Variants in SLC38A8 observed in about 807,000 individuals in gnomAD.
The protein encoded by SLC38A8 is solute carrier family 38 member 8.
A neutral mutation model predicts 46.0 loss-of-function variants in SLC38A8; 65 were observed. The ratio of observed to expected loss-of-function variants is 1.41; its 90% CI spans 1.16 to 1.74. The LOEUF is 1.74. SLC38A8 is among the 40% of genes most tolerant of loss of function. The pLI is 0.00. For missense variants in SLC38A8, 998 were observed against 567.9 expected (o/e 1.76, Z -7.70); for synonymous variants, 447 against 243.7 (o/e 1.83, Z -7.77).
chr16:84,033,611 G>C (rs2085271175), intron 3 of SLC38A8, 142 bp from the exon 4 acceptor site: 6 of 905,276 alleles, frequency 6.6e-6, no homozygotes, highest in Non-Finnish European at 4.9e-6. Flanking sequence ...CGACAAGTGA[G>C]ATGGAGACAG....
chr16:84,023,410 T>C (rs57229890), intron 6 of SLC38A8, among the ~76,000 whole-genome samples: 2,190 of 152,310 alleles, frequency 0.014, 50 homozygotes, highest in African/African-American at 0.048. Flanking sequence ...ATTACTTTGC[T>C]AAGAATCCTT....
At chr16:84,039,495 A>G (rs973060356) in intron 2 of SLC38A8, among the ~76,000 whole-genome samples, 1 of 152,168 alleles carries the variant, frequency 6.6e-6, no homozygotes, top group African/African-American at 2.4e-5. Context: ...CTGTAATCCC[A>G]GCACTTTGGG....
chr16:84,030,237 A>C (rs1042814403), intron 5 of SLC38A8, among the ~76,000 whole-genome samples: 1 of 152,140 alleles, frequency 6.6e-6, no homozygotes, highest in East Asian at 1.9e-4. Context: ...GAGACAGGAA[A>C]GATCTGCCCC....
At chr16:84,033,003 G>C (rs2085262624) in intron 4 of SLC38A8, among the ~76,000 whole-genome samples, 2 of 148,216 alleles carry the variant, frequency 1.3e-5, no homozygotes, top group East Asian at 2.0e-4. Flanking sequence ...TGCATGGGGG[G>C]GTGTGGGTAG....
At chr16:84,030,944 G>C (rs920762339) in intron 5 of SLC38A8, among the ~76,000 whole-genome samples, 2 of 152,164 alleles carry the variant, frequency 1.3e-5, no homozygotes, top group African/African-American at 2.4e-5. Context: ...ACCAGGTCTG[G>C]GACCCGGGAT....
intron 6 of SLC38A8, among the ~76,000 whole-genome samples, chr16:84,027,790 A>C (rs879937632): frequency 5.3e-5 from 8 of 152,146 alleles, no homozygotes; most frequent in Non-Finnish European, 1.2e-4. Context: ...GCTGGAGGCA[A>C]AGGTGAGGGG....
rs765531005 is a variant in SLC38A8, at chr16:84,016,585, G to T, written c.1096C>A (p.Pro366Thr). The change falls in exon 9 of 11, where the codon CCT (proline) becomes ACT (threonine). Residue 366 changes from proline to threonine, a missense_variant. Transcript: ENST00000299709. ...ATGCTGACGATCTCGCTGAGGTCAG[G>T]CATAAACAGCGCCATGGCGAGCGTC... is the stretch of plus-strand genomic sequence containing the variant. ...TVTLAMALFM[P>T]DLSEIVSIIG... 1.9e-6 allele frequency: 3 copies of T among 1,614,040 alleles called. No individual in the cohort carries two copies. The South Asian group carries it at 3.3e-5, about 18-fold the overall frequency.
chr16:84,026,889 G>C (rs114569701), intron 6 of SLC38A8, among the ~76,000 whole-genome samples: 4,501 of 152,274 alleles, frequency 0.03, 248 homozygotes, highest in African/African-American at 0.1. Context: ...GTGGAGAATG[G>C]AGAGTGACTG....
At position 84,022,866 on chromosome 16, in the gene SLC38A8, G is replaced by T. The variant is rs764842464; in HGVS notation, c.714C>A (p.Ile238=). ...GGCTCCGTTTGCGCATGCTGCAGTA[G>T]ATGGAGACGGCAGCTTCGTGACACT... The part of the protein sequence containing the change: ...GFQCHEAAVS[I]YCSMRKRSLS... Residue 238 remains isoleucine, a synonymous_variant, in exon 7 of 11, where the codon ATC becomes ATA. Coordinates refer to ENST00000299709, the MANE Select transcript of SLC38A8 (RefSeq NM_001080442.3). 4 of 1,607,822 alleles carry T rather than the reference G, an allele frequency of 2.5e-6. No homozygotes were observed. The highest frequency in any genetic ancestry group is 1.1e-5 in the South Asian group (1 of 90,158).
At chr16:84,012,547 T>G (rs145879076) in intron 10 of SLC38A8, among the ~76,000 whole-genome samples, 1 of 152,064 alleles carries the variant, frequency 6.6e-6, no homozygotes, top group South Asian at 2.1e-4. Context: ...GTGGGTATGG[T>G]GGGGAGGTGA....
Position 84,009,689 on chromosome 16 carries a change from G to T in SLC38A8, c.*95C>A. ...GCATCAGTCTCTCCAGCATCTTTAT[G>T]AGGAAAAGAAATGGCATCGGTCTCC... On this transcript the variant is annotated 3_prime_UTR_variant, in exon 11 of 11. Transcript: ENST00000299709. 9.4e-7 allele frequency: 1 copy of T among 1,060,692 alleles called. No homozygotes were observed. The highest frequency in any genetic ancestry group is 1.4e-6 in the Non-Finnish European group (1 of 733,542). The allele number at this position is 1,060,692 out of a possible 1,614,324, so 65.7% of individuals were successfully genotyped here.
At chr16:84,029,349 C>T (rs1486158574) in intron 6 of SLC38A8, 145 bp downstream of exon 6, 1 of 745,228 alleles carries the variant, frequency 1.3e-6, no homozygotes, top group Non-Finnish European at 2.2e-6. Context: ...CTGGGAACCA[C>T]AGGTGGGCGG....
chr16:84,021,018 G>T (rs1310653329), intron 7 of SLC38A8, among the ~76,000 whole-genome samples: 1 of 152,078 alleles, frequency 6.6e-6, no homozygotes, highest in Non-Finnish European at 1.5e-5. Flanking sequence ...TGAATGCTCT[G>T]CTCCTTGGAT....
At chr16:84,013,424 GTTTTTTTTTTTT>G (rs1221293803) in intron 9 of SLC38A8, among the ~76,000 whole-genome samples, 1 of 64,048 alleles carries the variant, frequency 1.6e-5, no homozygotes, top group Non-Finnish European at 2.6e-5. Flanking sequence ...TTGTGTGTGT[GTTTTTTTTTTTT>G]TTTTTTTTTT....
chr16:84,022,883 C>G lies in SLC38A8; in HGVS notation c.697G>C (p.Glu233Gln). ...CTGCAGTAGATGGAGACGGCAGCTT[C>G]GTGACACTGTAAGACAGAGGGCGGC... is the stretch of plus-strand genomic sequence containing the variant. ...PTICFGFQCH[E>Q]AAVSIYCSMR... The change falls in exon 7 of 11, where the codon GAA becomes CAA. Residue 233 changes from glutamate to glutamine, a missense_variant. Glu to Gln is a conservative substitution (Grantham distance 29). Transcript: ENST00000299709. 1 of 1,602,146 alleles carries G rather than the reference C, an allele frequency of 6.2e-7. No homozygotes were observed. Among genetic ancestry groups the G allele is most frequent in the Non-Finnish European group, 8.5e-7 (1 of 1,175,312 alleles).
intron 2 of SLC38A8, among the ~76,000 whole-genome samples, chr16:84,040,278 G>T (rs147962754): frequency 1.4e-4 from 22 of 152,182 alleles, no homozygotes; most frequent in Non-Finnish European, 3.1e-4. Flanking sequence ...CAAGAGCCAG[G>T]CTGGCTCCTC....
intron 6 of SLC38A8, among the ~76,000 whole-genome samples, chr16:84,027,333 G>A (rs1392151687): frequency 1.5e-5 from 2 of 133,358 alleles, no homozygotes; most frequent in Non-Finnish European, 3.0e-5. Flanking sequence ...CTGGGCGACA[G>A]AGCAAGTCTG....
chr16:84,018,253 G>C (rs184117148), intron 7 of SLC38A8, among the ~76,000 whole-genome samples: 955 of 88,740 alleles, frequency 0.011, 20 homozygotes, highest in African/African-American at 0.039. Flanking sequence ...TTTTTTTTGA[G>C]ACAGAGTCTC....
chr16:84,022,951 A>C, intron 6 of SLC38A8, 62 bp from the exon 7 acceptor site: 15 of 1,232,332 alleles, frequency 1.2e-5, no homozygotes, highest in Non-Finnish European at 1.6e-5. Context: ...GATGCGAAAA[A>C]AAACTCATAT....
Sources: allele counts gnomAD v4.1 joint callset (sites outside exome capture counted in the v4.1 genomes callset), GRCh38; gene constraint gnomAD v4.1.1; transcripts MANE v1.5; gene names NCBI Gene and HGNC (gene_info 2026-07-23, HGNC 2026-07-21).